CRACR2A: variants seen among roughly 807,000 people sequenced by gnomAD.
CRACR2A encodes EF-hand calcium-binding domain-containing protein 4B.
In CRACR2A, 79 loss-of-function variants were observed where a neutral mutation model predicts 90.5. The ratio of observed to expected loss-of-function variants is 0.87; its 90% CI spans 0.73 to 1.05. The LOEUF (loss-of-function observed/expected upper bound fraction) is 1.05. Among genes scored for constraint, CRACR2A ranks in the 50% least tolerant of loss-of-function variants. CRACR2A has a pLI of 0.00. For missense variants in CRACR2A, 823 were observed against 897.2 expected (o/e 0.92, Z 1.06); for synonymous variants, 338 against 356.7 (o/e 0.95, Z 0.59).
At chr12:3,641,641 C>A in intron 13 of CRACR2A, 91 bp downstream of exon 13, 1 of 1,164,052 alleles carries the variant, frequency 8.6e-7, no homozygotes. Flanking sequence ...CCGCACCTCT[C>A]AAGGGGTCAG....
chr12:3,626,780 G>A (rs142445500), intron 17 of CRACR2A, among the ~76,000 whole-genome samples: 1 of 152,252 alleles, frequency 6.6e-6, no homozygotes. Context: ...AAAAAAGCAT[G>A]TACAAAACGA....
At chr12:3,667,395 T>A (rs1031450819) in intron 7 of CRACR2A, among the ~76,000 whole-genome samples, 2 of 152,126 alleles carry the variant, frequency 1.3e-5, no homozygotes, top group Admixed American at 1.3e-4. Flanking sequence ...AACTGGGGAG[T>A]GAGCACGAAC....
intron 17 of CRACR2A, among the ~76,000 whole-genome samples, chr12:3,626,497 G>A (rs1944263416): frequency 6.6e-6 from 1 of 152,358 alleles, no homozygotes; most frequent in African/African-American, 2.4e-5. Context: ...GGTTTTATGG[G>A]CTTGGAGCAG....
intron 2 of CRACR2A, among the ~76,000 whole-genome samples, chr12:3,716,627 C>T (rs934667177): frequency 6.6e-6 from 1 of 152,182 alleles, no homozygotes; most frequent in African/African-American, 2.4e-5. Context: ...ATCTTCAATA[C>T]CATCTCATCC....
chr12:3,702,227 T>C (rs892445397), intron 3 of CRACR2A, among the ~76,000 whole-genome samples: 1 of 152,174 alleles, frequency 6.6e-6, no homozygotes, highest in African/African-American at 2.4e-5. Context: ...AATGTTTTGC[T>C]CCTGGGGTCA....
At position 3,673,516 on chromosome 12, in the gene CRACR2A, G is replaced by C; in HGVS notation, c.601C>G (p.Leu201Val). Reference protein sequence around the residue: ...PHLLSNFEDFLTRIISQLQEA... With the variant: ...PHLLSNFEDFVTRIISQLQEA... ...TGGAGCTGGGAGATGATTCTGGTCA[G>C]GAAGTCTTCAAAGTTGGACAGTAAA... is the stretch of plus-strand genomic sequence containing the variant. Residue 201 changes from leucine (L) to valine (V), a missense_variant, in exon 7 of 20, where the codon CTG becomes GTG. Leu to Val is a conservative substitution (Grantham distance 32, BLOSUM62 1). Transcript: ENST00000440314. The C allele has an allele frequency of 1.2e-6, 2 of 1,614,124 alleles. No individual in the cohort carries two copies. The highest frequency in any genetic ancestry group is 8.5e-7 in the Non-Finnish European group (1 of 1,180,014).
intron 2 of CRACR2A, chr12:3,729,973 A>C (rs1231809273): frequency 6.6e-6 from 1 of 152,132 alleles, no homozygotes; most frequent in Non-Finnish European, 1.5e-5. Flanking sequence ...CCATGCAATT[A>C]CTCAGATAGT....
intron 7 of CRACR2A, among the ~76,000 whole-genome samples, chr12:3,666,289 ATATC>A (rs1308672113): frequency 6.6e-6 from 1 of 151,662 alleles, no homozygotes; most frequent in African/African-American, 2.4e-5. Context: ...TTCACCCAAG[ATATC>A]TGGTTCTGGC....
At chr12:3,733,481 C>A (rs1295648343) in intron 1 of CRACR2A, among the ~76,000 whole-genome samples, 2 of 152,136 alleles carry the variant, frequency 1.3e-5, no homozygotes, top group Non-Finnish European at 2.9e-5. Flanking sequence ...GTTGTTAAGA[C>A]GTGAGAGGAG....
intron 11 of CRACR2A, among the ~76,000 whole-genome samples, chr12:3,646,952 A>G (rs1167931922): frequency 6.6e-6 from 1 of 152,204 alleles, no homozygotes; most frequent in East Asian, 1.9e-4. Context: ...TAGGCATGGG[A>G]AAATTAAGAC....
chr12:3,712,831 T>C (rs1402447087), intron 3 of CRACR2A, among the ~76,000 whole-genome samples: 1 of 152,048 alleles, frequency 6.6e-6, no homozygotes, highest in Non-Finnish European at 1.5e-5. Flanking sequence ...GAAATCAGGA[T>C]TGGACAGGCT....
intron 13 of CRACR2A, among the ~76,000 whole-genome samples, chr12:3,641,377 G>A (rs1444091669): frequency 6.6e-6 from 1 of 152,132 alleles, no homozygotes; most frequent in Non-Finnish European, 1.5e-5. Flanking sequence ...CCGAAACCAA[G>A]TGCATCCATT....
chr12:3,747,259 G>A (rs1946640093), intron 1 of CRACR2A, among the ~76,000 whole-genome samples: 1 of 152,184 alleles, frequency 6.6e-6, no homozygotes, highest in Admixed American at 6.5e-5. Flanking sequence ...TCTGTAAAAT[G>A]GGGAGGATGA....
chr12:3,627,761 C>A, intron 15 of CRACR2A, 55 bp from the exon 16 acceptor site: 2 of 1,487,712 alleles, frequency 1.3e-6, no homozygotes, highest in Non-Finnish European at 1.8e-6. Context: ...CACCTCACTT[C>A]CAAATCAGGA....
intron 6 of CRACR2A, 131 bp from the exon 7 acceptor site, chr12:3,673,723 C>T (rs1945293004): frequency 4.3e-6 from 5 of 1,176,330 alleles, no homozygotes; most frequent in Admixed American, 2.6e-5. Flanking sequence ...CAGTAGCTAA[C>T]GTGGACCGAA....
chr12:3,748,821 C>G (rs1195197752), intron 1 of CRACR2A, among the ~76,000 whole-genome samples: 1 of 152,218 alleles, frequency 6.6e-6, no homozygotes, highest in East Asian at 1.9e-4. Context: ...CTCACCTCAG[C>G]CTGACTGCAA....
At chr12:3,626,963 C>A (rs1338039067) in intron 17 of CRACR2A, among the ~76,000 whole-genome samples, 1 of 152,174 alleles carries the variant, frequency 6.6e-6, no homozygotes, top group Non-Finnish European at 1.5e-5. Context: ...GGCCCCCAAA[C>A]ATTGCATGGT....
chr12:3,702,364 T>A (rs1254945922), intron 3 of CRACR2A, among the ~76,000 whole-genome samples: 1 of 152,166 alleles, frequency 6.6e-6, no homozygotes. Context: ...AGTTAAATTG[T>A]CTTTATTCCC....
intron 4 of CRACR2A, among the ~76,000 whole-genome samples, chr12:3,694,509 G>A (rs1342674939): frequency 6.6e-6 from 1 of 152,146 alleles, no homozygotes; most frequent in East Asian, 1.9e-4. Flanking sequence ...GGCCCAGGAA[G>A]CTGGACACCA....
Sources: gnomAD v4.1 joint callset for allele counts (sites outside exome capture counted in the v4.1 genomes callset) on GRCh38, gnomAD v4.1.1 for gene constraint, MANE v1.5 for transcripts, NCBI Gene and HGNC (gene_info 2026-07-23, HGNC 2026-07-21) for gene names.